The following CEPT1 variants were observed in gnomAD, a reference collection of about 807,000 sequenced individuals.
CEPT1 encodes choline/ethanolaminephosphotransferase 1.
CEPT1 carries 7 observed loss-of-function variants against 42.6 expected under a neutral mutation model. The observed-to-expected ratio is 0.16, with a 90% CI of 0.09 to 0.31. The LOEUF is 0.31. Among genes scored for constraint, CEPT1 ranks in the 10% least tolerant of loss-of-function variants. The probability of loss-of-function intolerance (pLI) is 1.00; values close to 1 mark genes in which losing one functional copy is unlikely to be tolerated. For missense variants in CEPT1, 306 were observed against 502.1 expected (o/e 0.61, Z 3.73); for synonymous variants, 171 against 171.9 (o/e 0.99, Z 0.04).
chr1:111,153,725 C>T (rs1280690418), intron 2 of CEPT1, among the ~76,000 whole-genome samples: 1 of 152,130 alleles, frequency 6.6e-6, no homozygotes, highest in East Asian at 1.9e-4. Context: ...TTTATCCTTT[C>T]CCCACTCTAT....
At chr1:111,147,484 A>G (rs983276887) in intron 1 of CEPT1, among the ~76,000 whole-genome samples, 158 bp from the exon 2 acceptor site, 1 of 152,050 alleles carries the variant, frequency 6.6e-6, no homozygotes, top group Non-Finnish European at 1.5e-5. Flanking sequence ...AATAAGAACT[A>G]GAACCAAAAT....
intron 5 of CEPT1, 113 bp from the exon 6 acceptor site, chr1:111,182,073 AT>A: frequency 1.5e-6 from 1 of 689,448 alleles, no homozygotes; most frequent in Non-Finnish European, 2.3e-6. Flanking sequence ...TACTTTACGT[AT>A]TTATGTAATT....
intron 4 of CEPT1, among the ~76,000 whole-genome samples, chr1:111,166,112 T>C (rs1656133618): frequency 6.6e-6 from 1 of 152,164 alleles, no homozygotes; most frequent in South Asian, 2.1e-4. Context: ...TTTTCAGCAA[T>C]GATTTGTTCA....
chr1:111,182,188 T>G lies in CEPT1; in HGVS notation c.716T>G (p.Ile239Ser), dbSNP rs1241080093. Residue 239 changes from isoleucine (I) to serine (S), a missense_variant and splice_region_variant, in exon 6 of 9, where the codon ATT (isoleucine) becomes AGT (serine). Ile to Ser is a moderately radical substitution (Grantham distance 142). This residue lies in a region of CEPT1 where 253 missense variants were observed against 447.3 expected (regional missense o/e 0.57). Transcript: ENST00000357172. ...IGGPPFWQSM[I>S]PVLNIQMKIF... Reference sequence around the variant, plus strand: ...GTTTTCTCTCTCTACCCATTAAAGATTCCAGTGCTGAATATTCAAATGAAA... The same window carrying G: ...GTTTTCTCTCTCTACCCATTAAAGAGTCCAGTGCTGAATATTCAAATGAAA... The G allele has an allele frequency of 6.3e-7, 1 of 1,598,114 alleles. No homozygotes were observed.
At chr1:111,183,644 T>G in intron 8 of CEPT1, 57 bp downstream of exon 8, 1 of 1,534,270 alleles carries the variant, frequency 6.5e-7, no homozygotes, top group Non-Finnish European at 8.9e-7. Context: ...TTGCTTGTTT[T>G]CTTATTTTGA....
In CEPT1 at chr1:111,157,534, G is replaced by A. The variant is rs564763649; in HGVS notation, c.340-1846G>A. ...ACTGATGGCTGCTGTGCAAGATAGC[G>A]CAGCTCTAGAGAGTTACTGGATTCC... is the stretch of plus-strand genomic sequence containing the variant. On this transcript the variant is annotated intron_variant, in intron 2 of 8. Coordinates refer to ENST00000357172, the MANE Select transcript of CEPT1 (RefSeq NM_006090.5). Among the ~76,000 whole-genome samples, 12 of 152,194 alleles carry A rather than the reference G, an allele frequency of 7.9e-5. 1 individual carries two copies. The South Asian group carries it at 2.3e-3, about 29-fold the overall frequency.
intron 2 of CEPT1, among the ~76,000 whole-genome samples, chr1:111,154,700 T>A (rs1183565332): frequency 1.3e-5 from 2 of 152,240 alleles, no homozygotes; most frequent in Non-Finnish European, 2.9e-5. Context: ...CTTGAAGAGA[T>A]GTTGAATTTT....
chr1:111,151,557 C>G (rs1053970764), intron 2 of CEPT1, among the ~76,000 whole-genome samples: 1 of 152,156 alleles, frequency 6.6e-6, no homozygotes, highest in Non-Finnish European at 1.5e-5. Flanking sequence ...TAAACATTTT[C>G]TGGATAAGTT....
At chr1:111,180,641 T>G (rs1296076834) in intron 5 of CEPT1, 2 of 152,352 alleles carry the variant, frequency 1.3e-5, no homozygotes, top group East Asian at 3.9e-4. Flanking sequence ...AACTTGAACA[T>G]TTGATTTCAA....
intron 2 of CEPT1, among the ~76,000 whole-genome samples, chr1:111,158,057 C>G: frequency 6.6e-6 from 1 of 152,096 alleles, no homozygotes; most frequent in Non-Finnish European, 1.5e-5. Flanking sequence ...AAATTCAATA[C>G]CAGGCTGGGT....
chr1:111,154,963 C>G (rs1655482204), intron 2 of CEPT1, among the ~76,000 whole-genome samples: 1 of 152,024 alleles, frequency 6.6e-6, no homozygotes, highest in Non-Finnish European at 1.5e-5. Context: ...TTATTGCATC[C>G]TTATCTGGTT....
intron 2 of CEPT1, among the ~76,000 whole-genome samples, chr1:111,156,648 T>G (rs1397333800): frequency 6.6e-6 from 1 of 152,234 alleles, no homozygotes; most frequent in South Asian, 2.1e-4. Flanking sequence ...CTTGGCTGCA[T>G]GCAGTGCAGC....
At chr1:111,151,046 C>T (rs1655241594) in intron 2 of CEPT1, among the ~76,000 whole-genome samples, 2 of 151,746 alleles carry the variant, frequency 1.3e-5, no homozygotes, top group Non-Finnish European at 2.9e-5. Flanking sequence ...ATATCAGTGA[C>T]TATGGCCTGT....
intron 8 of CEPT1, among the ~76,000 whole-genome samples, chr1:111,183,798 C>T (rs897612503): frequency 2.0e-5 from 3 of 152,126 alleles, no homozygotes; most frequent in East Asian, 1.9e-4. Context: ...CTGCCTACAT[C>T]GGGCAGGGCT....
intron 4 of CEPT1, chr1:111,167,259 C>T (rs1435051837): frequency 1.0e-6 from 1 of 984,872 alleles, no homozygotes; most frequent in Non-Finnish European, 1.2e-6. Flanking sequence ...GCACCTTTGT[C>T]ATGCACAGAA....
intron 5 of CEPT1, 86 bp downstream of exon 5, chr1:111,175,049 T>C: frequency 1.2e-6 from 1 of 844,480 alleles, no homozygotes; most frequent in South Asian, 1.4e-5. Flanking sequence ...AGTTAAAGGG[T>C]AATGTGTGAA....
intron 1 of CEPT1, among the ~76,000 whole-genome samples, chr1:111,141,452 A>C (rs1357499198): frequency 1.3e-5 from 2 of 152,188 alleles, no homozygotes; most frequent in Non-Finnish European, 2.9e-5. Context: ...ATTTTATTGC[A>C]CAATTTCTTT....
At position 111,155,543 on chromosome 1, in the gene CEPT1, T is replaced by G. The variant is rs184566849; in HGVS notation, c.340-3837T>G. The stretch of plus-strand genomic sequence containing the variant: ...TATATGATATATATATTCACTTTTT[T>G]GGGGGTTTTTTTTGAGATGGAGTTT... On this transcript the variant is annotated intron_variant, in intron 2 of 8. Coordinates refer to ENST00000357172, the MANE Select transcript of CEPT1 (RefSeq NM_006090.5). Among the ~76,000 whole-genome samples, 165 of 151,886 alleles carry G rather than the reference T, an allele frequency of 1.1e-3. No individual in the cohort carries two copies. The South Asian group carries it at 0.018, about 17-fold the overall frequency.
At chr1:111,139,583 C>A (rs1654100338), upstream of CEPT1, 1 of 152,274 alleles carries the variant, frequency 6.6e-6, no homozygotes, top group African/African-American at 2.4e-5. Flanking sequence ...ACTGCTTCAA[C>A]AAACCAGAGG....
Sources: gnomAD v4.1 joint callset for allele counts (sites outside exome capture counted in the v4.1 genomes callset) on GRCh38, gnomAD v4.1.1 for gene constraint, gnomAD v4.1.1 regional missense constraint, MANE v1.5 for transcripts, NCBI Gene and HGNC (gene_info 2026-07-23, HGNC 2026-07-21) for gene names.